The following CDH9 variants were observed in gnomAD, a reference collection of about 807,000 sequenced individuals.
CDH9 encodes cadherin-9.
Under a neutral mutation model 70.9 loss-of-function variants are expected in CDH9, and 28 were observed. The ratio of observed to expected loss-of-function variants is 0.40; its 90% CI spans 0.29 to 0.54. The LOEUF is 0.54. Among genes scored for constraint, CDH9 ranks in the 20% least tolerant of loss-of-function variants. CDH9 has a pLI of 0.59. For synonymous variants in CDH9, 409 were observed against 343.1 expected, an observed-to-expected ratio of 1.19 and a Z score of -2.12; for missense variants, 874 against 984.4, an observed-to-expected ratio of 0.89 and a Z score of 1.50.
At position 26,903,687 on chromosome 5, in the gene CDH9, C is replaced by T. The variant is rs141440884; in HGVS notation, c.949G>A (p.Asp317Asn). The change falls in exon 6 of 12, where the codon GAT becomes AAT. Residue 317 changes from aspartate (D) to asparagine (N), a missense_variant. Transcript: ENST00000231021. ...TGTGTATCCTTGTCAGTGATGACAT[C>T]GAACATGTCTGCACCATCTCCTTCA... ...IAEGDGADMF[D>N]VITDKDTQEG... is the part of the protein sequence containing the mutation. 5 of 1,610,186 alleles carry T rather than the reference C, an allele frequency of 3.1e-6. No individual in the cohort carries two copies. In the African/African-American group the frequency reaches 4.0e-5, roughly 13 times the overall value.
At position 26,890,448 on chromosome 5, in the gene CDH9, G is replaced by C. The variant is rs982020288; in HGVS notation, c.1370C>G (p.Thr457Ser). Residue 457 changes from threonine to serine, a missense_variant, in exon 8 of 12, where the codon ACT becomes AGT. Physicochemically the swap from Thr to Ser is moderately conservative, Grantham distance 58 (BLOSUM62 1). Transcript: ENST00000231021. ...CTTACTTATTTCTGTGGCTGTAACA[G>C]TGATGTTATGCCAAGGAGATGATTC... ...DRESSPWHNITVTATEINNPK... is the reference protein window; with the variant it reads ...DRESSPWHNISVTATEINNPK... 1.2e-6 allele frequency: 2 copies of C among 1,613,376 alleles called. No individual in the cohort carries two copies. The highest frequency in any genetic ancestry group is 1.1e-5 in the South Asian group (1 of 91,076).
chr5:26,981,538 C>G (rs1330418586), intron 2 of CDH9, among the ~76,000 whole-genome samples: 1 of 151,942 alleles, frequency 6.6e-6, no homozygotes, highest in African/African-American at 2.4e-5. Flanking sequence ...ATATGGAGAG[C>G]CAACTGTACT....
At chr5:27,003,615 C>CA (rs1381583353) in intron 1 of CDH9, among the ~76,000 whole-genome samples, 6 of 152,016 alleles carry the variant, frequency 3.9e-5, no homozygotes, top group Admixed American at 1.3e-4. Flanking sequence ...CAAAACAAAA[C>CA]AAACAAACAA....
intron 2 of CDH9, among the ~76,000 whole-genome samples, chr5:26,946,130 T>A (rs1291372363): frequency 6.6e-6 from 1 of 152,130 alleles, no homozygotes; most frequent in Admixed American, 6.5e-5. Flanking sequence ...AAAATTGAGA[T>A]GTTTGATAAC....
At chr5:26,889,733 C>T in intron 9 of CDH9, 103 bp downstream of exon 9, 2 of 647,790 alleles carry the variant, frequency 3.1e-6, no homozygotes, top group Non-Finnish European at 5.2e-6. Flanking sequence ...GAAGTATTGA[C>T]AACAGCCTGC....
intron 2 of CDH9, among the ~76,000 whole-genome samples, chr5:26,953,546 A>G (rs1349778140): frequency 6.6e-6 from 1 of 152,212 alleles, no homozygotes; most frequent in African/African-American, 2.4e-5. Context: ...TGACTGTTCA[A>G]CTGATTTTTT....
chr5:26,894,220 C>A (rs892252391), intron 7 of CDH9, among the ~76,000 whole-genome samples: 5 of 152,076 alleles, frequency 3.3e-5, no homozygotes, highest in Admixed American at 2.0e-4. Context: ...TGGATTTCTT[C>A]CTGCTGTTTG....
At chr5:26,889,141 T>G (rs1345398997) in intron 9 of CDH9, among the ~76,000 whole-genome samples, 1 of 152,180 alleles carries the variant, frequency 6.6e-6, no homozygotes, top group African/African-American at 2.4e-5. Flanking sequence ...TCTTAACATC[T>G]ACCTATTTTA....
chr5:26,949,419 T>A (rs1741807463), intron 2 of CDH9, among the ~76,000 whole-genome samples: 1 of 152,176 alleles, frequency 6.6e-6, no homozygotes. Flanking sequence ...GAAAAGATAC[T>A]TGTAAAAGGA....
intron 2 of CDH9, among the ~76,000 whole-genome samples, chr5:26,940,265 T>C (rs1741637513): frequency 6.6e-6 from 1 of 152,246 alleles, no homozygotes; most frequent in East Asian, 1.9e-4. Context: ...ATATAATGTA[T>C]TTTTTCTAAA....
chr5:26,977,602 T>C (rs962304316), intron 2 of CDH9, among the ~76,000 whole-genome samples: 16 of 151,814 alleles, frequency 1.1e-4, no homozygotes, highest in African/African-American at 3.9e-4. Context: ...TTTGAGGGAA[T>C]ACTTCATTTC....
chr5:26,970,204 G>A (rs1742195133), intron 2 of CDH9, among the ~76,000 whole-genome samples: 1 of 151,642 alleles, frequency 6.6e-6, no homozygotes, highest in African/African-American at 2.4e-5. Context: ...TATTTAACAT[G>A]AATCTATTTT....
chr5:26,909,168 G>A lies in CDH9; in HGVS notation c.524-2330C>T, dbSNP rs1741003417. On this transcript the variant is annotated intron_variant, in intron 3 of 11. Coordinates refer to ENST00000231021, the MANE Select transcript of CDH9 (RefSeq NM_016279.4). ...CTGGCTAATCTTTTTTGTATTTTTA[G>A]TAGAGACGGGGTTTCCCATGTTAGC... Among the ~76,000 whole-genome samples the A allele has an allele frequency of 3.9e-5, 6 of 152,080 alleles. No individual in the cohort carries two copies. The South Asian group carries it at 1.2e-3, about 31-fold the overall frequency.
intron 1 of CDH9, among the ~76,000 whole-genome samples, chr5:26,996,275 A>G (rs1273517255): frequency 1.3e-5 from 2 of 152,064 alleles, no homozygotes; most frequent in South Asian, 2.1e-4. Flanking sequence ...ACATTAATCT[A>G]TTGATCTTCA....
intron 1 of CDH9, among the ~76,000 whole-genome samples, chr5:27,006,074 G>A (rs1196227084): frequency 9.9e-5 from 15 of 151,950 alleles, no homozygotes; most frequent in Admixed American, 3.9e-4. Flanking sequence ...TGGGTACTGG[G>A]CTTAATACCT....
chr5:26,890,773 T>C (rs1332952999), intron 7 of CDH9: 1 of 495,544 alleles, frequency 2.0e-6, no homozygotes, highest in East Asian at 3.3e-5. Flanking sequence ...ATCCTATGTG[T>C]ACTTTAGAAC....
intron 3 of CDH9, 111 bp from the exon 4 acceptor site, chr5:26,906,949 G>A (rs1486807188): frequency 7.6e-7 from 1 of 1,318,782 alleles, no homozygotes; most frequent in Non-Finnish European, 9.7e-7. Context: ...GATGTTGTAT[G>A]TTTGAAGAAA....
intron 1 of CDH9, among the ~76,000 whole-genome samples, 157 bp from the exon 2 acceptor site, chr5:26,988,539 T>C (rs1044816048): frequency 6.6e-6 from 1 of 151,976 alleles, no homozygotes; most frequent in African/African-American, 2.4e-5. Flanking sequence ...GAAAAACTCA[T>C]TTATCACATA....
intron 1 of CDH9, among the ~76,000 whole-genome samples, chr5:26,991,395 A>C (rs752484764): frequency 2.0e-5 from 3 of 152,226 alleles, no homozygotes; most frequent in South Asian, 2.1e-4. Context: ...GCAAGTTTAC[A>C]GACATCTGTA....
Sources: gnomAD v4.1 joint callset for allele counts (sites outside exome capture counted in the v4.1 genomes callset) on GRCh38, gnomAD v4.1.1 for gene constraint, MANE v1.5 for transcripts, NCBI Gene and HGNC (gene_info 2026-07-23, HGNC 2026-07-21) for gene names.